CORO2B: variants seen among roughly 807,000 people sequenced by gnomAD.
CORO2B encodes coronin 2B.
A neutral mutation model predicts 58.8 loss-of-function variants in CORO2B; 26 were observed. The ratio of observed to expected loss-of-function variants is 0.44; its 90% CI spans 0.32 to 0.61. The LOEUF (loss-of-function observed/expected upper bound fraction) is 0.61, where lower values mean the gene tolerates loss of function less well. Among genes scored for constraint, CORO2B ranks in the 20% least tolerant of loss-of-function variants. The probability of loss-of-function intolerance (pLI) is 0.04; values close to 1 mark genes in which losing one functional copy is unlikely to be tolerated. For synonymous variants in CORO2B, 242 were observed against 253.8 expected (o/e 0.95, Z 0.44); for missense variants, 460 against 645.1 (o/e 0.71, Z 3.11).
At chr15:68,701,074 C>A (rs924090911) in intron 3 of CORO2B, among the ~76,000 whole-genome samples, 2 of 152,190 alleles carry the variant, frequency 1.3e-5, no homozygotes, top group Non-Finnish European at 2.9e-5. Context: ...ACCTCCCGAG[C>A]TCCGGAACCA....
chr15:68,659,809 C>T (rs1455503220), intron 2 of CORO2B, among the ~76,000 whole-genome samples: 1 of 152,168 alleles, frequency 6.6e-6, no homozygotes, highest in East Asian at 1.9e-4. Flanking sequence ...TGGTGCACGC[C>T]TGTAGTCCCA....
the CORO2B span, among the ~76,000 whole-genome samples, chr15:68,539,957 G>T: frequency 1.3e-5 from 2 of 152,152 alleles, no homozygotes; most frequent in African/African-American, 2.4e-5. Context: ...CTGGCTTTAC[G>T]CAAGCGTGCA....
At chr15:68,704,578 A>G (rs746505987) in intron 3 of CORO2B, among the ~76,000 whole-genome samples, 26 of 152,074 alleles carry the variant, frequency 1.7e-4, no homozygotes, top group Non-Finnish European at 2.6e-4. Flanking sequence ...GTGCAGGGAC[A>G]GTTGGTTTTG....
chr15:68,644,926 TC>T (rs1274452818), intron 1 of CORO2B, among the ~76,000 whole-genome samples: 2 of 152,166 alleles, frequency 1.3e-5, no homozygotes, highest in African/African-American at 4.8e-5. Flanking sequence ...CCTATGCCAA[TC>T]TTTGTTTTTG....
chr15:68,695,053 A>C, intron 2 of CORO2B, 87 bp from the exon 3 acceptor site: 2 of 962,128 alleles, frequency 2.1e-6, no homozygotes, highest in Non-Finnish European at 3.3e-6. Flanking sequence ...TCCAGTTGAG[A>C]GGCCCAGAAA....
the CORO2B span, among the ~76,000 whole-genome samples, chr15:68,524,283 C>T: frequency 2.0e-5 from 3 of 152,104 alleles, no homozygotes; most frequent in South Asian, 4.2e-4. Context: ...TTTGGTCTGA[C>T]ACAAGTTACT....
At chr15:68,579,310 C>T (rs1899358218) in intron 1 of CORO2B, 33 bp downstream of exon 1, 3 of 1,279,652 alleles carry the variant, frequency 2.3e-6, no homozygotes, top group East Asian at 3.4e-5. Flanking sequence ...GCCCGGGACC[C>T]GCCGGCGCCT....
At chr15:68,655,226 T>C (rs1907565) in intron 2 of CORO2B, among the ~76,000 whole-genome samples, 46,588 of 152,184 alleles carry the variant, frequency 0.31, 7,344 homozygotes, top group East Asian at 0.45. Context: ...TCTTCTATTA[T>C]TAAAAGATCC....
chr15:68,716,195 C>T (rs1893028699), intron 8 of CORO2B, among the ~76,000 whole-genome samples: 1 of 152,238 alleles, frequency 6.6e-6, no homozygotes, highest in African/African-American at 2.4e-5. Context: ...ATCCCCACCT[C>T]CTTCACTGTC....
the CORO2B span, chr15:68,559,467 C>A: frequency 2.8e-6 from 1 of 352,318 alleles, no homozygotes; most frequent in Non-Finnish European, 4.0e-6. This position sits in a 1 kb window ranked among gnomAD's most constrained non-coding sequence, Gnocchi z 4.3. Context: ...AGAATCCCTG[C>A]CCCAGTCTTG....
At chr15:68,696,557 C>A (rs867023308) in intron 3 of CORO2B, among the ~76,000 whole-genome samples, 328 of 109,990 alleles carry the variant, frequency 3.0e-3, no homozygotes, top group Non-Finnish European at 3.4e-3. Flanking sequence ...GACTCTGCCT[C>A]AAAAAAAAAA....
At chr15:68,604,112 G>A (rs1350131015) in intron 1 of CORO2B, among the ~76,000 whole-genome samples, 1 of 152,168 alleles carries the variant, frequency 6.6e-6, no homozygotes, top group Non-Finnish European at 1.5e-5. Flanking sequence ...TTGGCACAGA[G>A]CCCGGCACAC....
At chr15:68,700,265 G>A (rs1892609070) in intron 3 of CORO2B, among the ~76,000 whole-genome samples, 1 of 152,216 alleles carries the variant, frequency 6.6e-6, no homozygotes. Context: ...CAGGGCTGGG[G>A]ACGGCGCCAG....
chr15:68,588,888 C>G (rs1282284672), intron 1 of CORO2B, among the ~76,000 whole-genome samples: 1 of 152,092 alleles, frequency 6.6e-6, no homozygotes, highest in African/African-American at 2.4e-5. Context: ...CTGCTGACCT[C>G]CAGGTGAAAG....
the CORO2B span, among the ~76,000 whole-genome samples, chr15:68,553,738 C>G: frequency 6.6e-6 from 1 of 152,232 alleles, no homozygotes; most frequent in African/African-American, 2.4e-5. Context: ...AGGCCATAAG[C>G]AGGACTGCCC....
upstream of CORO2B, chr15:68,578,951 TCCCCCCG>T: frequency 1.9e-6 from 1 of 535,886 alleles, no homozygotes; most frequent in Non-Finnish European, 2.4e-6. This position sits in a 1 kb window ranked among gnomAD's most constrained non-coding sequence, Gnocchi z 4.2. Flanking sequence ...CCCCTCTTCC[TCCCCCCG>T]CCCCCCAGCC....
intron 1 of CORO2B, among the ~76,000 whole-genome samples, chr15:68,586,243 C>T (rs1466152981): frequency 6.6e-6 from 1 of 152,082 alleles, no homozygotes; most frequent in African/African-American, 2.4e-5. Flanking sequence ...TTACCATATG[C>T]CTGACATGTA....
At chr15:68,633,514 T>TACATACACAC (rs1555412723) in intron 1 of CORO2B, among the ~76,000 whole-genome samples, 23 of 144,088 alleles carry the variant, frequency 1.6e-4, no homozygotes, top group Non-Finnish European at 3.0e-4. Context: ...TACTCCAACA[T>TACATACACAC]ACACACACAC....
chr15:68,532,281 G>A, the CORO2B span, among the ~76,000 whole-genome samples: 12 of 151,942 alleles, frequency 7.9e-5, no homozygotes, highest in South Asian at 8.3e-4. Context: ...CTTTAGCTAC[G>A]TATGTATTAG....
Sources: allele counts gnomAD v4.1 joint callset (sites outside exome capture counted in the v4.1 genomes callset), GRCh38; gene constraint gnomAD v4.1.1; non-coding constraint Gnocchi (gnomAD v3.1); transcripts MANE v1.5; gene names NCBI Gene and HGNC (gene_info 2026-07-23, HGNC 2026-07-21).